DLC1: variants seen among roughly 807,000 people sequenced by gnomAD.
DLC1 encodes DLC1 Rho GTPase activating protein.
A neutral mutation model predicts 140.3 loss-of-function variants in DLC1; 54 were observed. The observed-to-expected ratio is 0.38, with a 90% CI of 0.31 to 0.48. DLC1 has a LOEUF of 0.48. Ranked by LOEUF, DLC1 falls within the 20% of genes least tolerant of loss-of-function variation. The pLI is 0.96. For synonymous variants in DLC1, 986 were observed against 728.1 expected, an observed-to-expected ratio of 1.35 and a Z score of -5.70; for missense variants, 2,536 against 1,907.0, an observed-to-expected ratio of 1.33 and a Z score of -6.14.
At chr8:13,363,357 T>C (rs1416772036) in intron 4 of DLC1, among the ~76,000 whole-genome samples, 1 of 144,254 alleles carries the variant, frequency 6.9e-6, no homozygotes, top group Non-Finnish European at 1.5e-5. Flanking sequence ...ACGTGAATGC[T>C]AAGCATTTGC....
chr8:13,580,622 G>C (rs1158312326), intron 1 of DLC1, among the ~76,000 whole-genome samples: 1 of 152,188 alleles, frequency 6.6e-6, no homozygotes, highest in African/African-American at 2.4e-5. Flanking sequence ...ATATAGCTGA[G>C]ATGACAAAAC....
rs572045757 is a variant in DLC1, at chr8:13,365,331, G to A, written c.1314+28222C>T. Reference sequence around the variant, plus strand: ...GGGCTTACTATTATCTAAGGTGCACGTGGAGCTGATCCACGCCTTTGGTGG... The same window carrying A: ...GGGCTTACTATTATCTAAGGTGCACATGGAGCTGATCCACGCCTTTGGTGG... On this transcript the variant is annotated intron_variant, in intron 4 of 17. Coordinates refer to ENST00000276297, the MANE Select transcript of DLC1 (RefSeq NM_182643.3). 2.8e-3 allele frequency among the ~76,000 whole-genome samples: 425 copies of A among 152,248 alleles called. 2 individuals are homozygous for A. The highest frequency in any genetic ancestry group is 9.6e-3 in the African/African-American group (398 of 41,542).
intron 2 of DLC1, among the ~76,000 whole-genome samples, chr8:13,407,793 C>T (rs1837631027): frequency 6.6e-6 from 1 of 152,164 alleles, no homozygotes; most frequent in Non-Finnish European, 1.5e-5. Context: ...ATACTCCTCA[C>T]TCACCCGTGA....
intron 1 of DLC1, among the ~76,000 whole-genome samples, chr8:13,579,399 TA>T (rs1467391726): frequency 0.06 from 4,627 of 77,528 alleles, 2,027 homozygotes; most frequent in Non-Finnish European, 0.083. Flanking sequence ...ATATATTATA[TA>T]TTTAATATAT....
At chr8:13,446,107 T>C (rs374904038) in intron 2 of DLC1, among the ~76,000 whole-genome samples, 67 of 152,020 alleles carry the variant, frequency 4.4e-4, no homozygotes, top group African/African-American at 1.5e-3. Flanking sequence ...TTCAGAAAAA[T>C]CACATCAAGA....
intron 4 of DLC1, among the ~76,000 whole-genome samples, chr8:13,321,355 T>C (rs1295500179): frequency 1.3e-5 from 2 of 151,962 alleles, no homozygotes; most frequent in South Asian, 2.1e-4. Flanking sequence ...CTGGTCAACA[T>C]GGTGAAACCC....
chr8:13,458,346 T>C (rs916292698), intron 2 of DLC1, among the ~76,000 whole-genome samples: 1 of 152,190 alleles, frequency 6.6e-6, no homozygotes, highest in African/African-American at 2.4e-5. Flanking sequence ...TGAGGTGACT[T>C]TCCCAGAATT....
chr8:13,090,658 T>G (rs1164858540), intron 14 of DLC1, among the ~76,000 whole-genome samples, 188 bp from the exon 15 acceptor site: 7 of 152,332 alleles, frequency 4.6e-5, no homozygotes, highest in Non-Finnish European at 2.9e-5. Flanking sequence ...ATCACCTCCA[T>G]AAATGTATCT....
Position 13,160,689 on chromosome 8 carries a change from G to C in DLC1, c.1349-45032C>G, listed in dbSNP as rs1190990801. ...CATCCTAGCTCTATGTTAAAAGAGA[G>C]GGCTTTGATTAGGGACGGCAGGGAG... On this transcript the variant is annotated intron_variant, in intron 5 of 17. Coordinates refer to ENST00000276297, the MANE Select transcript of DLC1 (RefSeq NM_182643.3). 1.3e-5 allele frequency among the ~76,000 whole-genome samples: 2 copies of C among 152,212 alleles called. 1 individual carries two copies. The highest frequency in any genetic ancestry group is 1.3e-4 in the Admixed American group (2 of 15,286).
chr8:13,288,387 C>A (rs572004991), intron 5 of DLC1, among the ~76,000 whole-genome samples: 5 of 152,266 alleles, frequency 3.3e-5, no homozygotes, highest in African/African-American at 1.2e-4. Context: ...TGGACCCATA[C>A]CATTTTTCCA....
At position 13,564,585 on chromosome 8, in the gene DLC1, G is replaced by A. The variant is rs1034938840; in HGVS notation, c.-126+39952C>T. Among the ~76,000 whole-genome samples the A allele has an allele frequency of 6.6e-5, 10 of 152,180 alleles. 1 individual carries two copies. Among genetic ancestry groups the A allele is most frequent in the Non-Finnish European group, 1.3e-4 (9 of 68,038 alleles). ...CCAAATGCCAACTCATCATGGAAAC[G>A]TTTATGATATCTGGGGGGAGAATTG... is the stretch of plus-strand genomic sequence containing the variant. On this transcript the variant is annotated intron_variant, in intron 1 of 1. Coordinates refer to the DLC1 transcript ENST00000631382.
intron 4 of DLC1, among the ~76,000 whole-genome samples, chr8:13,310,643 C>T (rs1832634684): frequency 6.6e-6 from 1 of 152,168 alleles, no homozygotes; most frequent in South Asian, 2.1e-4. Flanking sequence ...ATCTCTTCTT[C>T]ATTTAAAGAG....
chr8:13,293,564 C>A (rs373363323), intron 5 of DLC1, among the ~76,000 whole-genome samples: 6,034 of 151,244 alleles, frequency 0.04, 183 homozygotes, highest in Non-Finnish European at 0.054. Context: ...TTGAGCACCT[C>A]CTCTGTGCAA....
chr8:13,419,478 G>C (rs1208204697), intron 2 of DLC1, among the ~76,000 whole-genome samples: 2 of 152,090 alleles, frequency 1.3e-5, no homozygotes, highest in African/African-American at 4.8e-5. Flanking sequence ...TAATCATGTG[G>C]TTTTTGTCTT....
intron 5 of DLC1, among the ~76,000 whole-genome samples, chr8:13,246,291 G>T (rs914665140): frequency 6.6e-6 from 1 of 152,174 alleles, no homozygotes; most frequent in South Asian, 2.1e-4. Context: ...CAGAAAGCAC[G>T]TCTTTTAAAT....
At chr8:13,580,909 G>C (rs141052052) in intron 1 of DLC1, among the ~76,000 whole-genome samples, 1 of 152,266 alleles carries the variant, frequency 6.6e-6, no homozygotes, top group African/African-American at 2.4e-5. Flanking sequence ...GGTGAGGATG[G>C]GTGAGGGCTC....
chr8:13,111,097 A>G lies in DLC1; in HGVS notation c.1421-274T>C, dbSNP rs1016441261. Among the ~76,000 whole-genome samples the G allele has an allele frequency of 1.9e-4, 29 of 152,206 alleles. 1 individual carries two copies. Among genetic ancestry groups the G allele is most frequent in the African/African-American group, 7.0e-4 (29 of 41,436 alleles). On this transcript the variant is annotated intron_variant, in intron 6 of 17. Transcript: ENST00000276297. ...GTTCAGAACATTGTTATATGTTTAA[A>G]CAAATCAGCAGGCAATGAGTCCCCA...
chr8:13,453,404 GTATATATA>G (rs1252499122), intron 2 of DLC1, among the ~76,000 whole-genome samples: 2 of 22,978 alleles, frequency 8.7e-5, no homozygotes, highest in Non-Finnish European at 1.5e-4. Context: ...ATATATATGT[GTATATATA>G]TATATATATA....
intron 5 of DLC1, among the ~76,000 whole-genome samples, chr8:13,228,166 C>A (rs1308744103): frequency 6.6e-6 from 1 of 151,850 alleles, no homozygotes; most frequent in Non-Finnish European, 1.5e-5. Flanking sequence ...TAACTAAGCT[C>A]TTGTTCTAAT....
Sources: allele counts gnomAD v4.1 joint callset (sites outside exome capture counted in the v4.1 genomes callset), GRCh38; gene constraint gnomAD v4.1.1; transcripts MANE v1.5; gene names NCBI Gene and HGNC (gene_info 2026-07-23, HGNC 2026-07-21).